The following ABCB4 variants were observed in gnomAD, a reference collection of about 807,000 sequenced individuals.
The protein encoded by ABCB4 is ATP binding cassette subfamily B member 4.
In ABCB4, 76 loss-of-function variants were observed where a neutral mutation model predicts 145.7. The ratio of observed to expected loss-of-function variants is 0.52; its 90% confidence interval spans 0.43 to 0.63. The LOEUF is 0.63. Ranked by LOEUF, ABCB4 falls within the 30% of genes least tolerant of loss-of-function variation. The pLI, the probability that ABCB4 is intolerant of heterozygous loss-of-function variation, is 0.00. For synonymous variants in ABCB4, 517 were observed against 566.8 expected (o/e 0.91, Z 1.25); for missense variants, 1,234 against 1,553.1 (o/e 0.79, Z 3.45).
chr7:87,392,713 T>C, the ABCB4 span: 2 of 1,611,466 alleles, frequency 1.2e-6, no homozygotes, highest in South Asian at 1.1e-5. Flanking sequence ...AACCTGAGAT[T>C]TGGGGTTTCA....
chr7:87,406,789 G>A lies in ABCB4; in HGVS notation c.3280-295C>T, dbSNP rs10487804. On this transcript the variant is annotated intron_variant, in intron 25 of 27. Transcript: ENST00000649586. ...TCCAGCCATCTGTGTCCTACTCTGCGTTAAAGAAGCCTGCATCAAGGTGTC... is the reference window on the plus strand; with the variant it reads ...TCCAGCCATCTGTGTCCTACTCTGCATTAAAGAAGCCTGCATCAAGGTGTC... Among the ~76,000 whole-genome samples, 9,108 of 152,110 alleles carry A rather than the reference G, an allele frequency of 0.06. 333 individuals carry two copies. Among genetic ancestry groups the A allele is most frequent in the South Asian group, 0.16 (758 of 4,824 alleles).
intron 12 of ABCB4, among the ~76,000 whole-genome samples, chr7:87,442,050 C>CT (rs879558375): frequency 1.8e-4 from 28 of 152,100 alleles, no homozygotes; most frequent in Admixed American, 7.9e-4. Flanking sequence ...GTGAATATCT[C>CT]TGAGTTATAG....
At chr7:87,407,504 AT>A (rs1338790395) in intron 25 of ABCB4, among the ~76,000 whole-genome samples, 1 of 152,222 alleles carries the variant, frequency 6.6e-6, no homozygotes, top group Non-Finnish European at 1.5e-5. Flanking sequence ...TACAAGCATT[AT>A]CAGTAAGAGT....
intron 24 of ABCB4, among the ~76,000 whole-genome samples, chr7:87,408,614 T>A (rs1005127507): frequency 6.6e-6 from 1 of 152,242 alleles, no homozygotes; most frequent in African/African-American, 2.4e-5. Flanking sequence ...GCAGCCCTGA[T>A]GGCAAACCCT....
At chr7:87,413,500 G>A (rs1224482714) in intron 22 of ABCB4, 117 bp downstream of exon 22, 1 of 718,720 alleles carries the variant, frequency 1.4e-6, no homozygotes, top group African/African-American at 1.8e-5. Flanking sequence ...TTGAAAAAAG[G>A]CCACCCTTAT....
At chr7:87,460,315 G>A (rs1446449551) in intron 4 of ABCB4, among the ~76,000 whole-genome samples, 1 of 151,962 alleles carries the variant, frequency 6.6e-6, no homozygotes, top group Non-Finnish European at 1.5e-5. Flanking sequence ...TTAGATTCAG[G>A]GGGTATATGT....
the ABCB4 span, chr7:87,391,740 C>T: frequency 6.3e-7 from 1 of 1,595,118 alleles, no homozygotes; most frequent in African/African-American, 1.4e-5. Flanking sequence ...AAAAAACTCA[C>T]AAGATTTGTT....
At position 87,454,398 on chromosome 7, in the gene ABCB4, G is replaced by T. The variant is rs2116830280; in HGVS notation, c.344+137C>A. 4.4e-6 allele frequency: 3 copies of T among 681,204 alleles called. No individual in the cohort carries two copies. The East Asian group carries it at 8.3e-5, about 19-fold the overall frequency. 42.2% of individuals were successfully genotyped at this position (681,204 alleles called of 1,614,324 possible). On this transcript the variant is annotated intron_variant, in intron 5 of 27. Coordinates refer to ENST00000649586, the MANE Select transcript of ABCB4 (RefSeq NM_000443.4). ...TGATGTGTGCATCTTACTTTAAATT[G>T]GGATTTGGGAGCAAAAATGATAATA...
At chr7:87,402,904 C>G (rs1445656541) in intron 27 of ABCB4, among the ~76,000 whole-genome samples, 1 of 152,116 alleles carries the variant, frequency 6.6e-6, no homozygotes, top group African/African-American at 2.4e-5. Flanking sequence ...GAGGTTGAGG[C>G]AAGAGAATCG....
At chr7:87,463,291 A>G (rs1340291132) in intron 3 of ABCB4, among the ~76,000 whole-genome samples, 1 of 152,070 alleles carries the variant, frequency 6.6e-6, no homozygotes, top group East Asian at 1.9e-4. Context: ...TCCTTTAAAA[A>G]AGCATTCAGA....
At chr7:87,443,583 A>G in intron 11 of ABCB4, 80 bp downstream of exon 11, 1 of 1,533,192 alleles carries the variant, frequency 6.5e-7, no homozygotes, top group Admixed American at 1.7e-5. Context: ...ATAAGTATCA[A>G]AATAATAGAG....
At chr7:87,394,321 G>A in the ABCB4 span, among the ~76,000 whole-genome samples, 9 of 152,216 alleles carry the variant, frequency 5.9e-5, no homozygotes, top group African/African-American at 1.2e-4. Context: ...GTGATCTTTC[G>A]TGGTTTATTC....
chr7:87,409,131 A>C, intron 24 of ABCB4, 105 bp downstream of exon 24: 1 of 1,328,396 alleles, frequency 7.5e-7, no homozygotes, highest in Non-Finnish European at 1.1e-6. Flanking sequence ...TAAATGAAAC[A>C]CATGTTGGTG....
intron 24 of ABCB4, among the ~76,000 whole-genome samples, chr7:87,408,530 G>A (rs1247872944): frequency 1.3e-5 from 2 of 152,188 alleles, no homozygotes; most frequent in Non-Finnish European, 2.9e-5. Flanking sequence ...TTCTGAAGCT[G>A]GAATCAAGCC....
At chr7:87,413,586 G>A (rs777258894) in intron 22 of ABCB4, 31 bp downstream of exon 22, 4 of 1,354,912 alleles carry the variant, frequency 3.0e-6, no homozygotes, top group African/African-American at 2.9e-5. Flanking sequence ...GAAAGCACTA[G>A]GTTCTTAGCA....
At chr7:87,382,093 A>G in the ABCB4 span, 1 of 1,612,910 alleles carries the variant, frequency 6.2e-7, no homozygotes. Context: ...AAGGTACGAG[A>G]TATACCACTT....
intron 26 of ABCB4, among the ~76,000 whole-genome samples, chr7:87,404,289 T>C (rs1347440142): frequency 6.6e-6 from 1 of 152,190 alleles, no homozygotes; most frequent in Non-Finnish European, 1.5e-5. Flanking sequence ...AAGAATGCCA[T>C]AAAATGAATT....
At chr7:87,449,602 T>TA (rs35707384) in intron 8 of ABCB4, among the ~76,000 whole-genome samples, 280 of 144,488 alleles carry the variant, frequency 1.9e-3, no homozygotes, top group African/African-American at 2.2e-3. Context: ...CTCAGCTTAT[T>TA]AAAAAAAAAA....
At chr7:87,465,223 A>T (rs1812777949) in intron 3 of ABCB4, among the ~76,000 whole-genome samples, 1 of 152,176 alleles carries the variant, frequency 6.6e-6, no homozygotes, top group African/African-American at 2.4e-5. Context: ...ACATCAGGAG[A>T]TTACATCCCA....
Sources: allele counts gnomAD v4.1 joint callset (sites outside exome capture counted in the v4.1 genomes callset), GRCh38; gene constraint gnomAD v4.1.1; transcripts MANE v1.5; gene names NCBI Gene and HGNC (gene_info 2026-07-23, HGNC 2026-07-21).